Variants in SCFD2 observed in about 807,000 individuals in gnomAD.
The protein encoded by SCFD2 is sec1 family domain containing 2.
Under a neutral mutation model 58.9 loss-of-function variants are expected in SCFD2, and 54 were observed. The ratio of observed to expected loss-of-function variants is 0.92; its 90% CI spans 0.74 to 1.15. The LOEUF (loss-of-function observed/expected upper bound fraction) is 1.15. SCFD2 is among the 50% of genes most tolerant of loss of function. The pLI, the probability that SCFD2 is intolerant of heterozygous loss-of-function variation, is 0.00. For synonymous variants in SCFD2, 321 were observed against 335.9 expected (o/e 0.96, Z 0.49); for missense variants, 805 against 836.6 (o/e 0.96, Z 0.47).
intron 6 of SCFD2, among the ~76,000 whole-genome samples, chr4:52,908,676 T>A (rs1336364864): frequency 6.6e-6 from 1 of 152,190 alleles, no homozygotes; most frequent in South Asian, 2.1e-4. Context: ...CATTTTTTTT[T>A]ACTCAAATTT....
At position 53,207,494 on chromosome 4, in the gene SCFD2, CAT is replaced by C. The variant is rs1292014826; in HGVS notation, c.1312-61914_1312-61913del. ...TTTGAAATATATTATATATATATTT[CAT>C]ATATATATATTATATATATTATATA... On this transcript the variant is annotated intron_variant, in intron 4 of 8. Coordinates refer to ENST00000401642, the MANE Select transcript of SCFD2 (RefSeq NM_152540.4). Among the ~76,000 whole-genome samples, 110 of 17,826 alleles carry C rather than the reference CAT, an allele frequency of 6.2e-3. 27 individuals carry two copies. The highest frequency in any genetic ancestry group is 0.028 in the African/African-American group (100 of 3,632). The allele number at this position is 17,826 out of a possible 152,430, so 11.7% of individuals were successfully genotyped here.
chr4:53,306,266 A>G (rs1732511561), intron 3 of SCFD2, among the ~76,000 whole-genome samples: 1 of 152,194 alleles, frequency 6.6e-6, no homozygotes, highest in African/African-American at 2.4e-5. Flanking sequence ...AGTAGCATCT[A>G]TGTGCAAGGC....
intron 5 of SCFD2, among the ~76,000 whole-genome samples, chr4:53,125,215 AATGTATTTT>A (rs1725591934): frequency 6.6e-6 from 1 of 152,182 alleles, no homozygotes; most frequent in Non-Finnish European, 1.5e-5. Context: ...GGGAACAGGG[AATGTATTTT>A]AGGCATAGGA....
chr4:53,289,786 A>G (rs1003978339), intron 3 of SCFD2, among the ~76,000 whole-genome samples: 3 of 152,164 alleles, frequency 2.0e-5, no homozygotes, highest in Admixed American at 6.5e-5. Context: ...GAGAAGGAAG[A>G]AGATAATTCC....
At chr4:53,144,483 T>TGTATATATATACACACACAG (rs922778248) in intron 5 of SCFD2, among the ~76,000 whole-genome samples, 1 of 147,944 alleles carries the variant, frequency 6.8e-6, no homozygotes, top group South Asian at 2.1e-4. Flanking sequence ...GATACAGGTG[T>TGTATATATATACACACACAG]GTATATATAT....
chr4:53,186,373 A>G (rs1451456036), intron 4 of SCFD2, among the ~76,000 whole-genome samples: 1 of 152,012 alleles, frequency 6.6e-6, no homozygotes, highest in Non-Finnish European at 1.5e-5. Flanking sequence ...TCATTACATC[A>G]CAAGTTTCTG....
At chr4:53,333,220 A>C (rs1289871327) in intron 2 of SCFD2, among the ~76,000 whole-genome samples, 65 of 145,480 alleles carry the variant, frequency 4.5e-4, no homozygotes, top group East Asian at 9.9e-4. Context: ...GCTACCAATG[A>C]CTTTCTTCAC....
intron 2 of SCFD2, among the ~76,000 whole-genome samples, chr4:53,349,623 G>A (rs1734155694): frequency 6.6e-6 from 1 of 152,220 alleles, no homozygotes; most frequent in East Asian, 1.9e-4. Context: ...AGGGAAATGA[G>A]ATTCCAAGAT....
At chr4:53,226,040 G>C (rs1452918569) in intron 4 of SCFD2, among the ~76,000 whole-genome samples, 2 of 152,106 alleles carry the variant, frequency 1.3e-5, no homozygotes, top group Non-Finnish European at 1.5e-5. Flanking sequence ...AGCCTCAAGA[G>C]ATCATCCTGC....
intron 5 of SCFD2, among the ~76,000 whole-genome samples, chr4:52,983,807 G>A (rs943621055): frequency 6.6e-6 from 1 of 152,138 alleles, no homozygotes; most frequent in Non-Finnish European, 1.5e-5. Flanking sequence ...CTCCTTTCTC[G>A]TGTTGGTTTC....
At chr4:53,151,920 G>C (rs866106144) in intron 4 of SCFD2, among the ~76,000 whole-genome samples, 1 of 152,004 alleles carries the variant, frequency 6.6e-6, no homozygotes, top group South Asian at 2.1e-4. Flanking sequence ...GAGAGAAGTG[G>C]GGAGGTACCA....
chr4:52,917,064 A>T (rs1719627284), intron 6 of SCFD2, among the ~76,000 whole-genome samples: 1 of 151,798 alleles, frequency 6.6e-6, no homozygotes. Context: ...CACCCACCTA[A>T]TTTTTTTAAA....
intron 5 of SCFD2, among the ~76,000 whole-genome samples, chr4:52,924,862 C>G (rs2109490004): frequency 6.6e-6 from 1 of 152,286 alleles, no homozygotes; most frequent in South Asian, 2.1e-4. Context: ...CTGCCTCCCA[C>G]AATTCCACAT....
chr4:53,279,563 T>C (rs1340369224), intron 3 of SCFD2, among the ~76,000 whole-genome samples: 2 of 152,202 alleles, frequency 1.3e-5, no homozygotes, highest in African/African-American at 2.4e-5. Flanking sequence ...GGTTACAGAT[T>C]TAGAAAACAA....
At chr4:53,030,644 A>T (rs924378145) in intron 5 of SCFD2, among the ~76,000 whole-genome samples, 2 of 152,012 alleles carry the variant, frequency 1.3e-5, no homozygotes, top group African/African-American at 4.8e-5. Context: ...CTGGTCTCGA[A>T]CTCCTGACCT....
chr4:53,050,973 G>T (rs530970917), intron 5 of SCFD2, among the ~76,000 whole-genome samples: 1 of 152,054 alleles, frequency 6.6e-6, no homozygotes, highest in African/African-American at 2.4e-5. Context: ...CCTGGTAGGC[G>T]CTCTCTCAAA....
At chr4:52,880,183 G>A (rs1196815641) in intron 8 of SCFD2, among the ~76,000 whole-genome samples, 1 of 152,138 alleles carries the variant, frequency 6.6e-6, no homozygotes, top group Non-Finnish European at 1.5e-5. Flanking sequence ...AGATCTTTTC[G>A]CTGTTGTCTC....
intron 4 of SCFD2, among the ~76,000 whole-genome samples, chr4:53,207,482 A>AGAAACTGTTAATTAGT (rs1263771773): frequency 0.018 from 234 of 13,008 alleles, 74 homozygotes; most frequent in African/African-American, 0.045. Context: ...GAAATATATT[A>AGAAACTGTTAATTAGT]TATATATATT....
At chr4:53,231,587 A>G (rs1054384325) in intron 4 of SCFD2, among the ~76,000 whole-genome samples, 1 of 152,184 alleles carries the variant, frequency 6.6e-6, no homozygotes, top group African/African-American at 2.4e-5. Context: ...CAATCAATAT[A>G]TGAATTATTC....
Sources: allele counts gnomAD v4.1 joint callset (sites outside exome capture counted in the v4.1 genomes callset), GRCh38; gene constraint gnomAD v4.1.1; transcripts MANE v1.5; gene names NCBI Gene and HGNC (gene_info 2026-07-23, HGNC 2026-07-21).